Variants in MALRD1 observed in about 807,000 individuals in gnomAD.
MALRD1 encodes the protein MAM and LDL receptor class A domain containing 1.
In MALRD1, 247 loss-of-function variants were observed where a neutral mutation model predicts 242.1. The ratio of observed to expected loss-of-function variants is 1.02; its 90% CI spans 0.92 to 1.13. MALRD1 has a LOEUF of 1.13. Ranked by LOEUF, MALRD1 falls within the 50% of genes most tolerant of loss-of-function variation. The pLI, the probability that MALRD1 is intolerant of heterozygous loss-of-function variation, is 0.00. For missense variants in MALRD1, 2,989 were observed against 2,533.1 expected (o/e 1.18, Z -3.86); for synonymous variants, 995 against 866.6 (o/e 1.15, Z -2.60).
At chr10:19,541,704 G>A (rs1834981007) in intron 32 of MALRD1, among the ~76,000 whole-genome samples, 1 of 152,192 alleles carries the variant, frequency 6.6e-6, no homozygotes, top group Non-Finnish European at 1.5e-5. Context: ...GTACACTTAG[G>A]AGTGTGTCAA....
At chr10:19,694,104 A>T (rs1260289728) in intron 38 of MALRD1, among the ~76,000 whole-genome samples, 1 of 152,228 alleles carries the variant, frequency 6.6e-6, no homozygotes, top group Non-Finnish European at 1.5e-5. Flanking sequence ...TAAATGTTAG[A>T]CCTAAAACCA....
chr10:19,700,710 G>A (rs73595896), intron 38 of MALRD1, among the ~76,000 whole-genome samples: 7,665 of 151,872 alleles, frequency 0.05, 549 homozygotes, highest in African/African-American at 0.16. Flanking sequence ...TCTGATTTCC[G>A]TAATCTCCAA....
intron 26 of MALRD1, among the ~76,000 whole-genome samples, chr10:19,365,550 C>G (rs556544004): frequency 1.1e-4 from 17 of 149,424 alleles, no homozygotes; most frequent in African/African-American, 3.9e-4. Flanking sequence ...CTCTTTGTCT[C>G]TGGTATTCCA....
At chr10:19,289,828 A>G (rs1391072915) in intron 21 of MALRD1, among the ~76,000 whole-genome samples, 1 of 152,182 alleles carries the variant, frequency 6.6e-6, no homozygotes, top group Non-Finnish European at 1.5e-5. Flanking sequence ...TGTTTTGGAA[A>G]TAGTTCTCAA....
chr10:19,368,336 A>G (rs1845196608), intron 26 of MALRD1, among the ~76,000 whole-genome samples: 1 of 151,894 alleles, frequency 6.6e-6, no homozygotes, highest in Non-Finnish European at 1.5e-5. Context: ...CTGCATGTGG[A>G]TATCTAGGTT....
At chr10:19,349,711 A>G (rs1239286417) in intron 25 of MALRD1, among the ~76,000 whole-genome samples, 1 of 152,230 alleles carries the variant, frequency 6.6e-6, no homozygotes, top group Non-Finnish European at 1.5e-5. Context: ...TTAGCTTTAT[A>G]CATCTATAGA....
chr10:19,639,846 A>G (rs1429757577), intron 36 of MALRD1, among the ~76,000 whole-genome samples: 1 of 152,182 alleles, frequency 6.6e-6, no homozygotes, highest in Non-Finnish European at 1.5e-5. Context: ...TAGAGTTACC[A>G]TTGCCCTAAA....
intron 5 of MALRD1, among the ~76,000 whole-genome samples, chr10:19,117,345 C>T (rs1300496803): frequency 1.3e-5 from 2 of 151,958 alleles, no homozygotes; most frequent in African/African-American, 4.8e-5. Context: ...AAGTGGTAGA[C>T]ACTGGTGAAA....
At chr10:19,562,507 G>A (rs1186593481) in intron 32 of MALRD1, among the ~76,000 whole-genome samples, 2 of 152,102 alleles carry the variant, frequency 1.3e-5, no homozygotes, top group East Asian at 1.9e-4. Context: ...ATCAATTACA[G>A]TTTAGGATTT....
chr10:19,642,686 T>G (rs1327986621), intron 36 of MALRD1, among the ~76,000 whole-genome samples: 2 of 152,126 alleles, frequency 1.3e-5, no homozygotes, highest in Non-Finnish European at 1.5e-5. Context: ...AATCCTCAAG[T>G]TCAGTGTGGG....
chr10:19,207,152 C>G (rs1260213752), intron 17 of MALRD1, among the ~76,000 whole-genome samples: 1 of 152,020 alleles, frequency 6.6e-6, no homozygotes, highest in African/African-American at 2.4e-5. Context: ...AGTGTCATTA[C>G]TAACATGAAT....
At chr10:19,085,144 T>C (rs1835625582) in intron 2 of MALRD1, among the ~76,000 whole-genome samples, 1 of 152,004 alleles carries the variant, frequency 6.6e-6, no homozygotes, top group Admixed American at 6.6e-5. Flanking sequence ...AAGAGCTTCA[T>C]GCAGTCTATT....
intron 18 of MALRD1, among the ~76,000 whole-genome samples, chr10:19,240,538 C>G (rs1350642577): frequency 6.6e-6 from 1 of 151,982 alleles, no homozygotes; most frequent in Non-Finnish European, 1.5e-5. Flanking sequence ...CTCCTTCTTT[C>G]CAGTTTGGAT....
intron 4 of MALRD1, among the ~76,000 whole-genome samples, chr10:19,095,050 ATC>A (rs1168981208): frequency 2.0e-5 from 3 of 152,108 alleles, no homozygotes; most frequent in Non-Finnish European, 2.9e-5. Context: ...TTTTTTTATC[ATC>A]TGTTATTAGA....
At chr10:19,234,323 C>T (rs867210762) in intron 18 of MALRD1, among the ~76,000 whole-genome samples, 5 of 151,960 alleles carry the variant, frequency 3.3e-5, no homozygotes, top group Non-Finnish European at 5.9e-5. Context: ...TAAAAATACT[C>T]TCATCTTTTT....
At chr10:19,101,106 C>T (rs1318868138) in intron 4 of MALRD1, among the ~76,000 whole-genome samples, 2 of 151,390 alleles carry the variant, frequency 1.3e-5, no homozygotes, top group African/African-American at 4.9e-5. Context: ...CTCATTTTTC[C>T]TTATCATGTA....
chr10:19,107,386 CAT>C (rs1836500779), intron 5 of MALRD1, among the ~76,000 whole-genome samples: 1 of 151,894 alleles, frequency 6.6e-6, no homozygotes, highest in Non-Finnish European at 1.5e-5. Flanking sequence ...TTACAACCAT[CAT>C]TATCCATTTT....
chr10:19,729,201 C>T lies in MALRD1; in HGVS notation c.6315-1505C>T, dbSNP rs142622652. Among the ~76,000 whole-genome samples the T allele has an allele frequency of 2.9e-3, 441 of 152,300 alleles. 1 individual carries two copies. Among genetic ancestry groups the T allele is most frequent in the Middle Eastern group, 0.014 (4 of 294 alleles). ...TAGCTAGATTAGACTGTTAGGCTCACTGATGCTGCAGTTTCTTTGAAAAGG... is the reference window on the plus strand; with the variant it reads ...TAGCTAGATTAGACTGTTAGGCTCATTGATGCTGCAGTTTCTTTGAAAAGG... On this transcript the variant is annotated intron_variant, in intron 38 of 39. Coordinates refer to ENST00000454679, the MANE Select transcript of MALRD1 (RefSeq NM_001142308.3).
chr10:19,236,191 A>G (rs916385744), intron 18 of MALRD1, among the ~76,000 whole-genome samples: 4 of 152,182 alleles, frequency 2.6e-5, no homozygotes, highest in East Asian at 1.9e-4. Context: ...ACTGCTTTTC[A>G]CTCTCTTAGC....
Sources: allele counts gnomAD v4.1 joint callset (sites outside exome capture counted in the v4.1 genomes callset), GRCh38; gene constraint gnomAD v4.1.1; transcripts MANE v1.5; gene names NCBI Gene and HGNC (gene_info 2026-07-23, HGNC 2026-07-21).